OPA1: variants seen among roughly 807,000 people sequenced by gnomAD.
OPA1 encodes dynamin-like GTPase OPA1, mitochondrial.
Under a neutral mutation model 152.9 loss-of-function variants are expected in OPA1, and 59 were observed. The ratio of observed to expected loss-of-function variants is 0.39; its 90% CI spans 0.31 to 0.48. The LOEUF is 0.48. OPA1 is among the 20% of genes least tolerant of loss of function. The pLI, the probability that OPA1 is intolerant of heterozygous loss-of-function variation, is 0.96. For synonymous variants in OPA1, 400 were observed against 389.9 expected, an observed-to-expected ratio of 1.03 and a Z score of -0.31; for missense variants, 1,008 against 1,216.8, an observed-to-expected ratio of 0.83 and a Z score of 2.55.
intron 6 of OPA1, among the ~76,000 whole-genome samples, chr3:193,620,211 A>G (rs1262577925): frequency 6.6e-6 from 1 of 152,190 alleles, no homozygotes; most frequent in East Asian, 1.9e-4. Context: ...CAGGTGTGGT[A>G]GTGTGGTTCT....
At chr3:193,693,186 C>T (rs1577414492) in intron 30 of OPA1, among the ~76,000 whole-genome samples, 2 of 152,346 alleles carry the variant, frequency 1.3e-5, no homozygotes, top group East Asian at 3.9e-4. Flanking sequence ...AAACTACCTA[C>T]TTTCCTGTCA....
At chr3:193,611,137 A>T (rs978387647) in intron 1 of OPA1, among the ~76,000 whole-genome samples, 1 of 152,156 alleles carries the variant, frequency 6.6e-6, no homozygotes, top group African/African-American at 2.4e-5. Flanking sequence ...TCAAGCTGGG[A>T]GCTGTAGACT....
intron 21 of OPA1, 107 bp from the exon 22 acceptor site, chr3:193,654,755 A>T: frequency 1.6e-6 from 2 of 1,223,112 alleles, no homozygotes; most frequent in Non-Finnish European, 1.2e-6. Flanking sequence ...ACTTATCAAA[A>T]TTTTAAATAT....
intron 21 of OPA1, among the ~76,000 whole-genome samples, chr3:193,654,476 G>C (rs540464565): frequency 2.0e-5 from 3 of 151,150 alleles, no homozygotes; most frequent in African/African-American, 7.3e-5. Context: ...ATCCAGCCTG[G>C]GCAACTAAGC....
chr3:193,598,398 G>C (rs1725939086), intron 1 of OPA1, among the ~76,000 whole-genome samples: 1 of 152,164 alleles, frequency 6.6e-6, no homozygotes, highest in Admixed American at 6.5e-5. Context: ...TTCTAGCAGA[G>C]AGTGGAAGAA....
chr3:193,683,706 C>T (rs1005144384), intron 29 of OPA1, among the ~76,000 whole-genome samples: 3 of 152,176 alleles, frequency 2.0e-5, no homozygotes, highest in Non-Finnish European at 2.9e-5. Flanking sequence ...TTATGACTTG[C>T]TGAAGGCTCA....
intron 29 of OPA1, among the ~76,000 whole-genome samples, chr3:193,685,552 C>T (rs952823082): frequency 6.6e-6 from 1 of 152,112 alleles, no homozygotes; most frequent in African/African-American, 2.4e-5. Context: ...CAGTGCTATG[C>T]TGGGCCGAGT....
intron 1 of OPA1, among the ~76,000 whole-genome samples, chr3:193,607,159 G>A (rs1727419072): frequency 1.3e-5 from 2 of 152,150 alleles, no homozygotes; most frequent in South Asian, 4.1e-4. Context: ...TGTAGATTCT[G>A]GATATTAGCC....
intron 11 of OPA1, among the ~76,000 whole-genome samples, chr3:193,641,315 C>T (rs565269514): frequency 6.6e-6 from 1 of 152,136 alleles, no homozygotes; most frequent in African/African-American, 2.4e-5. Flanking sequence ...CTTGACCAAC[C>T]CTGAATTCCA....
At chr3:193,693,962 GC>G (rs1301586164) in intron 30 of OPA1, among the ~76,000 whole-genome samples, 1 of 152,084 alleles carries the variant, frequency 6.6e-6, no homozygotes, top group African/African-American at 2.4e-5. Flanking sequence ...AGCCCCGGAA[GC>G]CCCGTTAAAA....
Position 193,614,650 on chromosome 3 carries a change from T to G in OPA1, c.33-73T>G, listed in dbSNP as rs1728744426. 6.3e-6 allele frequency: 7 copies of G among 1,117,680 alleles called. No homozygotes were observed. The Admixed American group carries it at 1.0e-4, about 16-fold the overall frequency. 69.2% of individuals were successfully genotyped at this position (1,117,680 alleles called of 1,614,324 possible). ...ATGGGGCTGTGTTTCCTTTAGTATA[T>G]TGCTCTTTTAATGTCATTTCCTTTG... is the stretch of plus-strand genomic sequence containing the variant. On this transcript the variant is annotated intron_variant, in intron 1 of 30. Coordinates refer to ENST00000361510, the MANE Select transcript of OPA1 (RefSeq NM_130837.3).
At chr3:193,617,104 C>A (rs982117727) in intron 3 of OPA1, 74 bp from the exon 4 acceptor site, 10 of 896,812 alleles carry the variant, frequency 1.1e-5, no homozygotes, top group African/African-American at 1.0e-4. Context: ...CAAGTTAATA[C>A]TTTAGCCCTT....
At chr3:193,662,599 G>A (rs1212405623) in intron 25 of OPA1, among the ~76,000 whole-genome samples, 7 of 152,106 alleles carry the variant, frequency 4.6e-5, no homozygotes, top group Non-Finnish European at 1.0e-4. Context: ...TAATCCCTGG[G>A]TTTTCTACCC....
At chr3:193,599,510 A>G (rs140884754) in intron 1 of OPA1, among the ~76,000 whole-genome samples, 141 of 151,852 alleles carry the variant, frequency 9.3e-4, no homozygotes, top group African/African-American at 3.3e-3. Context: ...AGCAAGGTGC[A>G]GTATCATCCT....
rs909960077 is a variant in OPA1 at position 193,631,662 on chromosome 3, T to C, written c.840T>C (p.Thr280=). The change falls in exon 8 of 31, where the codon ACT becomes ACC. Residue 280 remains threonine, a synonymous_variant. Coordinates refer to ENST00000361510, the MANE Select transcript of OPA1 (RefSeq NM_130837.3). The part of the protein sequence containing the change: ...IDQLQEELLH[T]QLKYQRILER... Reference sequence around the variant, plus strand: ...AACTTCAGGAAGAACTTCTGCACACTCAGGTAATCATGATGACTAAGAAAA... The same window carrying C: ...AACTTCAGGAAGAACTTCTGCACACCCAGGTAATCATGATGACTAAGAAAA... 2 of 1,610,426 alleles carry C rather than the reference T, an allele frequency of 1.2e-6. No homozygotes were observed. Among genetic ancestry groups the C allele is most frequent in the Non-Finnish European group, 1.7e-6 (2 of 1,177,144 alleles).
At chr3:193,664,549 G>C (rs1249535256) in intron 26 of OPA1, among the ~76,000 whole-genome samples, 1 of 151,956 alleles carries the variant, frequency 6.6e-6, no homozygotes, top group Non-Finnish European at 1.5e-5. Context: ...ACCTCTTTCT[G>C]CATTGGTTTC....
intron 1 of OPA1, among the ~76,000 whole-genome samples, chr3:193,598,681 G>A (rs1209530707): frequency 6.6e-6 from 1 of 152,120 alleles, no homozygotes; most frequent in Non-Finnish European, 1.5e-5. Flanking sequence ...TAGATAAGGA[G>A]GATGTGAATA....
At chr3:193,676,977 C>T (rs1161413069) in intron 29 of OPA1, among the ~76,000 whole-genome samples, 3 of 67,148 alleles carry the variant, frequency 4.5e-5, no homozygotes, top group Non-Finnish European at 7.9e-5. Context: ...CAAGACTCGT[C>T]TCAAAAAAAA....
At chr3:193,637,347 A>C in intron 10 of OPA1, 66 bp downstream of exon 10, 1 of 959,096 alleles carries the variant, frequency 1.0e-6, no homozygotes, top group Non-Finnish European at 1.7e-6. Flanking sequence ...CTTCCTAAAA[A>C]TTATGTGTAT....
Sources: gnomAD v4.1 joint callset for allele counts (sites outside exome capture counted in the v4.1 genomes callset) on GRCh38, gnomAD v4.1.1 for gene constraint, MANE v1.5 for transcripts, NCBI Gene and HGNC (gene_info 2026-07-23, HGNC 2026-07-21) for gene names.